Variants in TOX2 observed in about 807,000 individuals in gnomAD.
The protein encoded by TOX2 is granulosa cell HMG box 1.
Under a neutral mutation model 47.4 loss-of-function variants are expected in TOX2, and 15 were observed. The observed-to-expected ratio is 0.32, with a 90% CI of 0.21 to 0.49. The LOEUF is 0.49. Among genes scored for constraint, TOX2 ranks in the 20% least tolerant of loss-of-function variants. TOX2 has a pLI of 0.99. For missense variants in TOX2, 622 were observed against 673.1 expected (o/e 0.92, Z 0.84); for synonymous variants, 290 against 296.6 (o/e 0.98, Z 0.23).
intron 1 of TOX2, among the ~76,000 whole-genome samples, chr20:43,919,788 C>T (rs977189930): frequency 6.6e-6 from 1 of 152,144 alleles, no homozygotes; most frequent in Admixed American, 6.5e-5. Flanking sequence ...GTTTTCTGTT[C>T]CTATGTTAAT....
intron 1 of TOX2, among the ~76,000 whole-genome samples, chr20:43,964,285 C>T (rs1243399167): frequency 6.6e-6 from 1 of 152,162 alleles, no homozygotes; most frequent in African/African-American, 2.4e-5. Flanking sequence ...TATTCCTGTT[C>T]CTCTTCCATC....
At chr20:43,930,000 G>A (rs7267188) in intron 1 of TOX2, among the ~76,000 whole-genome samples, 3,679 of 152,268 alleles carry the variant, frequency 0.024, 146 homozygotes, top group African/African-American at 0.082. Context: ...GAGCCAATGC[G>A]CCCAGCTGCT....
intron 3 of TOX2, 39 bp downstream of exon 3, chr20:44,006,831 A>T (rs1339273685): frequency 6.3e-7 from 1 of 1,596,210 alleles, no homozygotes; most frequent in Admixed American, 1.7e-5. Context: ...TGCTGATGAC[A>T]GCAGGGAGGG....
At position 43,972,036 on chromosome 20, in the gene TOX2, T is replaced by C. The variant is rs554321692; in HGVS notation, c.100-1331T>C. 5.9e-5 allele frequency among the ~76,000 whole-genome samples: 9 copies of C among 152,288 alleles called. No individual in the cohort carries two copies. The East Asian group carries it at 1.3e-3, about 23-fold the overall frequency. On this transcript the variant is annotated intron_variant, in intron 1 of 8. Transcript: ENST00000341197. ...TAATAAATAAATGGTTCAATTAAAA[T>C]AAAATGGCTGTTTGCTATTGGTGCC... is the stretch of plus-strand genomic sequence containing the variant.
chr20:44,067,155 G>A (rs551915573), intron 8 of TOX2, among the ~76,000 whole-genome samples: 3 of 152,260 alleles, frequency 2.0e-5, no homozygotes, highest in African/African-American at 4.8e-5. Context: ...GATGAGTCCT[G>A]CATCTTAGGC....
At chr20:43,998,720 CATCTATCTATCTATCT>C (rs34142021) in intron 2 of TOX2, among the ~76,000 whole-genome samples, 96 of 60,964 alleles carry the variant, frequency 1.6e-3, no homozygotes, top group African/African-American at 5.2e-3. Flanking sequence ...TGGCCTGATA[CATCTATCTATCTATCT>C]ATCTATCTAT....
At chr20:44,043,057 A>C (rs2071358588) in intron 3 of TOX2, among the ~76,000 whole-genome samples, 1 of 152,210 alleles carries the variant, frequency 6.6e-6, no homozygotes, top group African/African-American at 2.4e-5. Context: ...GAAGAGCTCC[A>C]TTTGCAGCAT....
At chr20:43,983,509 C>T (rs2070205832) in intron 2 of TOX2, among the ~76,000 whole-genome samples, 1 of 152,128 alleles carries the variant, frequency 6.6e-6, no homozygotes, top group African/African-American at 2.4e-5. Flanking sequence ...GCACTGAGGT[C>T]CTTGCGGCCT....
intron 1 of TOX2, among the ~76,000 whole-genome samples, chr20:43,918,501 A>G (rs1182731425): frequency 2.0e-5 from 3 of 152,144 alleles, no homozygotes; most frequent in Admixed American, 6.5e-5. Context: ...AGAGGCAACT[A>G]CTTACCTGAT....
At chr20:44,040,709 C>T (rs2071318397) in intron 3 of TOX2, among the ~76,000 whole-genome samples, 1 of 152,146 alleles carries the variant, frequency 6.6e-6, no homozygotes, top group Non-Finnish European at 1.5e-5. Context: ...TTCTCTTCCT[C>T]CTGATGAGGA....
In TOX2 at chr20:44,021,592, T is replaced by G. The variant is rs188838711; in HGVS notation, c.411+14800T>G. Among the ~76,000 whole-genome samples the G allele has an allele frequency of 2.6e-3, 399 of 152,268 alleles. 2 individuals carry two copies. The highest frequency in any genetic ancestry group is 9.2e-3 in the African/African-American group (384 of 41,534). On this transcript the variant is annotated intron_variant, in intron 3 of 8. Coordinates refer to ENST00000341197, the MANE Select transcript of TOX2 (RefSeq NM_001098797.2). Reference sequence around the variant, plus strand: ...TCCCTCCTCTGAGAAGCAGATTAACTCTAGCCAGTACATTGGCTGTGCCCT... The same window carrying G: ...TCCCTCCTCTGAGAAGCAGATTAACGCTAGCCAGTACATTGGCTGTGCCCT...
chr20:43,975,207 A>G (rs1202231582), intron 2 of TOX2, among the ~76,000 whole-genome samples: 1 of 152,002 alleles, frequency 6.6e-6, no homozygotes, highest in Non-Finnish European at 1.5e-5. Flanking sequence ...TCCTTCCACC[A>G]AGAAGGAAAA....
chr20:44,012,516 T>C (rs77711680), intron 3 of TOX2, among the ~76,000 whole-genome samples: 1,816 of 152,008 alleles, frequency 0.012, 36 homozygotes, highest in African/African-American at 0.042. Context: ...GTCCCTGGAG[T>C]TGTGTGGTCT....
intron 4 of TOX2, among the ~76,000 whole-genome samples, chr20:44,053,601 TATATATAC>T (rs1332872772): frequency 1.5e-5 from 1 of 68,626 alleles, no homozygotes; most frequent in Non-Finnish European, 2.8e-5. Flanking sequence ...TACACACACA[TATATATAC>T]ATATACACAC....
At chr20:43,974,197 C>T (rs908881077) in intron 2 of TOX2, among the ~76,000 whole-genome samples, 3 of 151,118 alleles carry the variant, frequency 2.0e-5, no homozygotes, top group South Asian at 2.1e-4. Context: ...AGGGTTCTCA[C>T]TCTAGGCTGA....
intron 5 of TOX2, among the ~76,000 whole-genome samples, chr20:44,057,205 G>A (rs1056007812): frequency 6.6e-6 from 1 of 152,168 alleles, no homozygotes; most frequent in Admixed American, 6.5e-5. Context: ...AGAGGCATGA[G>A]CCACTATATC....
intron 1 of TOX2, among the ~76,000 whole-genome samples, chr20:43,944,126 G>A (rs145700636): frequency 2.4e-4 from 36 of 152,118 alleles, no homozygotes; most frequent in African/African-American, 4.6e-4. Flanking sequence ...GCCTTGAGAC[G>A]AGTGTCATGT....
intron 3 of TOX2, among the ~76,000 whole-genome samples, chr20:44,012,039 A>G (rs1356064999): frequency 6.6e-6 from 1 of 152,244 alleles, no homozygotes; most frequent in Non-Finnish European, 1.5e-5. Flanking sequence ...ATTTAGTATG[A>G]AAGATATATT....
rs978637554 is a variant in TOX2, at chr20:43,927,647, T to C, written c.99+12657T>C. Among the ~76,000 whole-genome samples, 371 of 93,964 alleles carry C rather than the reference T, an allele frequency of 3.9e-3. 3 individuals carry two copies. The highest frequency in any genetic ancestry group is 0.025 in the East Asian group (50 of 2,034). 61.6% of individuals were successfully genotyped at this position (93,964 alleles called of 152,430 possible). A position where few individuals can be genotyped will look rare whatever the true frequency, so the allele number is the denominator to read the frequency against. On this transcript the variant is annotated intron_variant, in intron 1 of 8. Transcript: ENST00000341197. ...TTCCTCCTTCCTTCCTTCCTCCCCT[T>C]CCCTTCCCTTCCCCTTCCTTCCTTC...
Sources: allele counts gnomAD v4.1 joint callset (sites outside exome capture counted in the v4.1 genomes callset), GRCh38; gene constraint gnomAD v4.1.1; transcripts MANE v1.5; gene names NCBI Gene and HGNC (gene_info 2026-07-23, HGNC 2026-07-21).